CHN2: variants seen among roughly 807,000 people sequenced by gnomAD.
CHN2 encodes the protein beta-chimaerin.
A neutral mutation model predicts 56.3 loss-of-function variants in CHN2; 35 were observed. That is an observed-to-expected ratio of 0.62 (90% confidence interval 0.47 to 0.82). CHN2 has a LOEUF of 0.82. Among genes scored for constraint, CHN2 ranks in the 40% least tolerant of loss-of-function variants. CHN2 has a pLI of 0.00. For synonymous variants in CHN2, 210 were observed against 212.8 expected, an observed-to-expected ratio of 0.99 and a Z score of 0.12; for missense variants, 491 against 580.5, an observed-to-expected ratio of 0.85 and a Z score of 1.58.
intron 1 of CHN2, among the ~76,000 whole-genome samples, chr7:29,226,483 G>A (rs1022627788): frequency 9.9e-5 from 15 of 152,074 alleles, no homozygotes; most frequent in African/African-American, 2.7e-4. Flanking sequence ...TCTTGGAAAC[G>A]TCACAGAGCT....
intron 1 of CHN2, among the ~76,000 whole-genome samples, chr7:29,203,536 A>G (rs901481336): frequency 6.6e-6 from 1 of 150,928 alleles, no homozygotes; most frequent in East Asian, 1.9e-4. Flanking sequence ...AATTAATTTT[A>G]CCTGTTTTTT....
At chr7:29,209,370 C>G (rs947983299) in intron 1 of CHN2, among the ~76,000 whole-genome samples, 8 of 152,244 alleles carry the variant, frequency 5.3e-5, no homozygotes, top group African/African-American at 1.7e-4. Context: ...AGTTGAGAGC[C>G]AAGCAATTAG....
At chr7:29,471,902 A>T (rs1232944292) in intron 6 of CHN2, among the ~76,000 whole-genome samples, 1 of 152,174 alleles carries the variant, frequency 6.6e-6, no homozygotes, top group Admixed American at 6.5e-5. Flanking sequence ...CTTTGGCGCC[A>T]TGGCAATGTG....
chr7:29,483,052 ACCTCGTGATCCGCCCGTCTCGG>A (rs971212264), intron 7 of CHN2, among the ~76,000 whole-genome samples: 1 of 151,010 alleles, frequency 6.6e-6, no homozygotes, highest in African/African-American at 2.4e-5. Flanking sequence ...CGATCTCCTG[ACCTCGTGATCCGCCCGTCTCGG>A]CCTCCCAAAG....
chr7:29,164,283 T>C (rs1795599288), intron 2 of CHN2, among the ~76,000 whole-genome samples: 1 of 152,218 alleles, frequency 6.6e-6, no homozygotes, highest in Non-Finnish European at 1.5e-5. Flanking sequence ...TTCCTGTTTG[T>C]ACAGTTTCTT....
At chr7:29,232,502 G>A (rs531455213) in intron 1 of CHN2, among the ~76,000 whole-genome samples, 33 of 152,204 alleles carry the variant, frequency 2.2e-4, no homozygotes, top group African/African-American at 7.7e-4. Context: ...TCTCTTTCCT[G>A]TAGAGTTATA....
At chr7:29,355,032 A>T (rs1055846922) in intron 2 of CHN2, among the ~76,000 whole-genome samples, 1 of 151,544 alleles carries the variant, frequency 6.6e-6, no homozygotes, top group African/African-American at 2.4e-5. Context: ...GAAATGGCGC[A>T]ATCTTGGCTC....
chr7:29,343,724 T>G (rs1797219320), intron 1 of CHN2, among the ~76,000 whole-genome samples: 1 of 152,164 alleles, frequency 6.6e-6, no homozygotes, highest in Admixed American at 6.5e-5. Context: ...CCTTCAGTGC[T>G]GGTGCTCCTC....
At chr7:29,485,374 G>A (rs956304561) in intron 7 of CHN2, among the ~76,000 whole-genome samples, 3 of 152,184 alleles carry the variant, frequency 2.0e-5, no homozygotes, top group Non-Finnish European at 4.4e-5. Flanking sequence ...ACAGGGCTCT[G>A]TGCAACAGCG....
chr7:29,345,122 G>A (rs1397844345), intron 1 of CHN2, among the ~76,000 whole-genome samples: 1 of 152,154 alleles, frequency 6.6e-6, no homozygotes, highest in African/African-American at 2.4e-5. Context: ...TTGGGGCTCT[G>A]TCCCTCAGAG....
At chr7:29,411,714 G>C (rs923643706) in intron 6 of CHN2, among the ~76,000 whole-genome samples, 2 of 152,082 alleles carry the variant, frequency 1.3e-5, no homozygotes, top group Admixed American at 6.5e-5. Flanking sequence ...CTGGGCTGCT[G>C]AAGGCTTCCC....
chr7:29,157,767 G>A (rs1794613969), intron 2 of CHN2, among the ~76,000 whole-genome samples: 1 of 151,982 alleles, frequency 6.6e-6, no homozygotes, highest in East Asian at 1.9e-4. Context: ...TCATTTTTCT[G>A]CCAGAACAAA....
intron 4 of CHN2, 40 bp from the exon 5 acceptor site, chr7:29,398,333 A>G: frequency 7.0e-7 from 1 of 1,424,190 alleles, no homozygotes; most frequent in Non-Finnish European, 9.9e-7. Context: ...CTTATTCTGT[A>G]TGTGGTCTGT....
intron 6 of CHN2, among the ~76,000 whole-genome samples, chr7:29,415,298 T>C (rs945640893): frequency 6.6e-6 from 1 of 152,096 alleles, no homozygotes; most frequent in Non-Finnish European, 1.5e-5. Context: ...GAGTCAGACA[T>C]CAAAGAATGA....
intron 2 of CHN2, among the ~76,000 whole-genome samples, chr7:29,186,185 T>C (rs1387665131): frequency 6.6e-6 from 1 of 152,140 alleles, no homozygotes; most frequent in Non-Finnish European, 1.5e-5. Flanking sequence ...GCCAGGGCCC[T>C]TGGGGTCAGG....
intron 1 of CHN2, chr7:29,195,590 A>C (rs1177739990): frequency 1.2e-5 from 1 of 83,804 alleles, no homozygotes; most frequent in Non-Finnish European, 2.5e-5. Context: ...CTCTTGGCAC[A>C]TTTACGAGAG....
intron 2 of CHN2, chr7:29,147,031 A>G (rs1792822712): frequency 1.9e-6 from 3 of 1,542,456 alleles, no homozygotes; most frequent in African/African-American, 1.4e-5. Flanking sequence ...TCTCAGAGCC[A>G]CCTGATGTGT....
intron 2 of CHN2, among the ~76,000 whole-genome samples, chr7:29,366,467 G>A: frequency 6.6e-6 from 1 of 152,182 alleles, no homozygotes; most frequent in East Asian, 1.9e-4. Flanking sequence ...ATAGCACAAG[G>A]TGAACAGTAG....
intron 6 of CHN2, among the ~76,000 whole-genome samples, chr7:29,440,614 G>A (rs1413959488): frequency 2.0e-5 from 3 of 150,344 alleles, no homozygotes; most frequent in Non-Finnish European, 4.4e-5. Flanking sequence ...GAACCCAGGA[G>A]GCAGAGGCTG....
Sources: gnomAD v4.1 joint callset for allele counts (sites outside exome capture counted in the v4.1 genomes callset) on GRCh38, gnomAD v4.1.1 for gene constraint, MANE v1.5 for transcripts, NCBI Gene and HGNC (gene_info 2026-07-23, HGNC 2026-07-21) for gene names.